Variants in TBC1D5 observed in about 807,000 individuals in gnomAD.
The protein encoded by TBC1D5 is TBC1 domain family member 5.
In TBC1D5, 75 loss-of-function variants were observed where a neutral mutation model predicts 100.3. The ratio of observed to expected loss-of-function variants is 0.75; its 90% confidence interval spans 0.62 to 0.91. The LOEUF (loss-of-function observed/expected upper bound fraction) is 0.91, where lower values mean the gene tolerates loss of function less well. Ranked by LOEUF, TBC1D5 falls within the 40% of genes least tolerant of loss-of-function variation. The pLI is 0.00. For synonymous variants in TBC1D5, 323 were observed against 325.6 expected (o/e 0.99, Z 0.09); for missense variants, 910 against 942.4 (o/e 0.97, Z 0.45).
chr3:17,479,653 A>T (rs758844510), intron 3 of TBC1D5, among the ~76,000 whole-genome samples: 8 of 152,196 alleles, frequency 5.3e-5, no homozygotes, highest in Non-Finnish European at 8.8e-5. Flanking sequence ...CCTGGGCAAC[A>T]GAGTGAGACC....
At chr3:17,653,928 A>G (rs1387977117) in intron 1 of TBC1D5, among the ~76,000 whole-genome samples, 1 of 152,180 alleles carries the variant, frequency 6.6e-6, no homozygotes, top group Non-Finnish European at 1.5e-5. Context: ...AATTAAGTGA[A>G]TAAGGATTAG....
rs569966942 is a variant in TBC1D5 at position 17,267,185 on chromosome 3, T to C, written c.1246-8594A>G. ...TTCTTTTACTAATGTATTTACATTT[T>C]TGAATTTAGCGTGCAGAAAGATGCC... On this transcript the variant is annotated intron_variant, in intron 15 of 21. Coordinates refer to ENST00000253692, the Ensembl canonical transcript of TBC1D5. 2.6e-5 allele frequency among the ~76,000 whole-genome samples: 4 copies of C among 152,322 alleles called. No individual in the cohort carries two copies. In the South Asian group the frequency reaches 8.3e-4, roughly 32 times the overall value.
At chr3:17,258,627 T>A in intron 15 of TBC1D5, 36 bp from the exon 16 acceptor site, 1 of 1,552,022 alleles carries the variant, frequency 6.4e-7, no homozygotes, top group South Asian at 1.1e-5. Context: ...GCTAGTTAAA[T>A]GATTTAATCC....
intron 15 of TBC1D5, among the ~76,000 whole-genome samples, chr3:17,288,252 A>G (rs1288560459): frequency 1.3e-5 from 2 of 152,194 alleles, no homozygotes; most frequent in African/African-American, 2.4e-5. Flanking sequence ...TCTATAGAAT[A>G]GATAAACTTG....
chr3:17,378,858 C>T (rs1396397625), intron 9 of TBC1D5, among the ~76,000 whole-genome samples: 3 of 151,206 alleles, frequency 2.0e-5, no homozygotes, highest in African/African-American at 7.3e-5. Flanking sequence ...AAGAATTACA[C>T]CAATTTACTG....
chr3:17,219,397 AG>A (rs2074022266), intron 17 of TBC1D5, among the ~76,000 whole-genome samples: 1 of 151,436 alleles, frequency 6.6e-6, no homozygotes, highest in Non-Finnish European at 1.5e-5. Context: ...GTCTTTATCC[AG>A]TAAGTTTAAT....
At chr3:17,472,180 C>T (rs1483130038) in intron 3 of TBC1D5, among the ~76,000 whole-genome samples, 1 of 149,094 alleles carries the variant, frequency 6.7e-6, no homozygotes, top group Admixed American at 6.7e-5. Context: ...CACTCTGTTG[C>T]CAGGCTGGAG....
chr3:17,519,905 C>T (rs1361084435), intron 2 of TBC1D5, among the ~76,000 whole-genome samples: 1 of 152,100 alleles, frequency 6.6e-6, no homozygotes, highest in Non-Finnish European at 1.5e-5. Context: ...ATACTGAGCA[C>T]CTACTATAGC....
intron 17 of TBC1D5, among the ~76,000 whole-genome samples, chr3:17,232,799 A>C (rs1576159818): frequency 6.6e-6 from 1 of 152,188 alleles, no homozygotes; most frequent in African/African-American, 2.4e-5. Flanking sequence ...ATATGAGGAC[A>C]TATCATTATT....
intron 13 of TBC1D5, among the ~76,000 whole-genome samples, chr3:17,344,340 T>C (rs1390875505): frequency 2.0e-5 from 3 of 152,166 alleles, no homozygotes; most frequent in South Asian, 2.1e-4. Flanking sequence ...AATAAAATAC[T>C]GAGGAATCCC....
chr3:17,560,975 T>C (rs951116623), intron 2 of TBC1D5, among the ~76,000 whole-genome samples: 18 of 151,798 alleles, frequency 1.2e-4, no homozygotes, highest in African/African-American at 9.7e-5. Flanking sequence ...TACTAAACTA[T>C]AGTGTCTAGA....
chr3:17,277,607 G>A (rs780954380), intron 15 of TBC1D5, among the ~76,000 whole-genome samples: 21 of 152,292 alleles, frequency 1.4e-4, no homozygotes, highest in Middle Eastern at 3.4e-3. Context: ...AAGGGTAATC[G>A]AGCTGAAATG....
At chr3:17,696,494 A>C (rs1349921245) in intron 1 of TBC1D5, among the ~76,000 whole-genome samples, 1 of 152,210 alleles carries the variant, frequency 6.6e-6, no homozygotes, top group Non-Finnish European at 1.5e-5. Flanking sequence ...AAACTAGAAA[A>C]TCTAGAAGAA....
intron 4 of TBC1D5, among the ~76,000 whole-genome samples, chr3:17,411,818 G>A (rs1236037109): frequency 6.6e-6 from 1 of 152,128 alleles, no homozygotes; most frequent in East Asian, 1.9e-4. Flanking sequence ...ACTGAGGCAT[G>A]TGAATTGGAA....
chr3:17,578,745 T>C (rs2096673163), intron 2 of TBC1D5, among the ~76,000 whole-genome samples: 1 of 151,998 alleles, frequency 6.6e-6, no homozygotes. Flanking sequence ...ATATTTCACA[T>C]AGGAAATAAT....
chr3:17,610,608 A>G lies in TBC1D5; in HGVS notation c.-36+13241T>C, dbSNP rs187333135. ...TCAGTATCTTTAACAAGATAGTTTA[A>G]GGTTACTTCTAATCTTACTTGTATG... On this transcript the variant is annotated intron_variant, in intron 2 of 21. Coordinates refer to ENST00000253692, the Ensembl canonical transcript of TBC1D5. 1.9e-4 allele frequency among the ~76,000 whole-genome samples: 29 copies of G among 152,350 alleles called. No individual in the cohort carries two copies. In the East Asian group the frequency reaches 5.4e-3, roughly 28 times the overall value.
At chr3:17,287,817 G>C (rs1339317370) in intron 15 of TBC1D5, among the ~76,000 whole-genome samples, 5 of 152,202 alleles carry the variant, frequency 3.3e-5, no homozygotes, top group Middle Eastern at 3.2e-3. Context: ...ATTTAGGGAT[G>C]ATGGTAGGAT....
At chr3:17,400,093 C>T (rs971047024) in intron 8 of TBC1D5, among the ~76,000 whole-genome samples, 2 of 152,034 alleles carry the variant, frequency 1.3e-5, no homozygotes, top group South Asian at 2.1e-4. Flanking sequence ...CCACTCTCCC[C>T]GACACCACAC....
chr3:17,492,817 C>A (rs753615375), intron 3 of TBC1D5, among the ~76,000 whole-genome samples: 2 of 152,234 alleles, frequency 1.3e-5, no homozygotes, highest in Non-Finnish European at 2.9e-5. Context: ...TTTCAAAGAA[C>A]TTCTTGATTT....
Sources: gnomAD v4.1 joint callset for allele counts (sites outside exome capture counted in the v4.1 genomes callset) on GRCh38, gnomAD v4.1.1 for gene constraint, MANE v1.5 for transcripts, NCBI Gene and HGNC (gene_info 2026-07-23, HGNC 2026-07-21) for gene names.